RASGEF1A: variants seen among roughly 807,000 people sequenced by gnomAD.
RASGEF1A encodes the protein RasGEF domain family member 1A.
In RASGEF1A, 18 loss-of-function variants were observed where a neutral mutation model predicts 56.4. That is an observed-to-expected ratio of 0.32 (90% CI 0.22 to 0.47). RASGEF1A has a LOEUF of 0.47. RASGEF1A is among the 20% of genes least tolerant of loss of function. The pLI is 1.00. For synonymous variants in RASGEF1A, 245 were observed against 242.6 expected, an observed-to-expected ratio of 1.01 and a Z score of -0.09; for missense variants, 422 against 627.1, an observed-to-expected ratio of 0.67 and a Z score of 3.49.
At chr10:43,213,243 C>T (rs1353306085) in intron 1 of RASGEF1A, among the ~76,000 whole-genome samples, 1 of 151,622 alleles carries the variant, frequency 6.6e-6, no homozygotes, top group Admixed American at 6.6e-5. Flanking sequence ...GTTTCCGACA[C>T]ATAGAAATTA....
At chr10:43,226,498 T>TCCTCCGAGATCCACGCCATCCA (rs1840281556) in intron 1 of RASGEF1A, among the ~76,000 whole-genome samples, 1 of 151,544 alleles carries the variant, frequency 6.6e-6, no homozygotes, top group Non-Finnish European at 1.5e-5. Context: ...GCTGCCATCC[T>TCCTCCGAGATCCACGCCATCCA]CCTCCGAGAT....
chr10:43,249,626 G>C (rs1413973490), intron 1 of RASGEF1A, among the ~76,000 whole-genome samples: 4 of 152,232 alleles, frequency 2.6e-5, no homozygotes, highest in African/African-American at 9.6e-5. Context: ...TGAAATGTCA[G>C]TGTCTGCACA....
intron 1 of RASGEF1A, among the ~76,000 whole-genome samples, chr10:43,235,314 A>G (rs1467204540): frequency 1.3e-5 from 2 of 152,184 alleles, no homozygotes; most frequent in Non-Finnish European, 2.9e-5. Flanking sequence ...GAGCCTCCAC[A>G]TCTTTGAGAA....
intron 1 of RASGEF1A, among the ~76,000 whole-genome samples, chr10:43,227,644 C>A (rs1840298237): frequency 6.6e-6 from 1 of 152,120 alleles, no homozygotes; most frequent in Non-Finnish European, 1.5e-5. Context: ...CAGCAAGGAG[C>A]CTGCAGGGTG....
intron 1 of RASGEF1A, among the ~76,000 whole-genome samples, chr10:43,214,896 G>A (rs927203946): frequency 1.3e-5 from 2 of 152,158 alleles, no homozygotes; most frequent in East Asian, 1.9e-4. Flanking sequence ...GGAGAGGCCC[G>A]TTTCTCAGAT....
rs1840366996 is a variant in RASGEF1A, at chr10:43,231,518, C to T, written c.-6-25396G>A. Among the ~76,000 whole-genome samples, 3 of 152,246 alleles carry T rather than the reference C, an allele frequency of 2.0e-5. No individual in the cohort carries two copies. In the South Asian group the frequency reaches 6.2e-4, roughly 32 times the overall value. Reference sequence around the variant, plus strand: ...CTAGAGGAGGTGGTGGATGGGTGGGCAGCCCCACAAGCCTTCTTATGCAGT... The same window carrying T: ...CTAGAGGAGGTGGTGGATGGGTGGGTAGCCCCACAAGCCTTCTTATGCAGT... On this transcript the variant is annotated intron_variant, in intron 1 of 12. Coordinates refer to ENST00000395810, the MANE Select transcript of RASGEF1A (RefSeq NM_145313.4).
rs1839779171 is a variant in RASGEF1A at position 43,195,221 on chromosome 10, G to T, written c.*1023C>A. The T allele has an allele frequency of 6.6e-6, 1 of 152,336 alleles. No individual in the cohort carries two copies. The highest frequency in any genetic ancestry group is 2.4e-5 in the African/African-American group (1 of 41,470). The allele number at this position is 152,336 out of a possible 1,614,324, so 9.4% of individuals were successfully genotyped here. ...ACGAAGTCAGACATGGGAAAATGGAGTGTGCTCCTCTAGCTGGGTGTAGAA... is the reference window on the plus strand; with the variant it reads ...ACGAAGTCAGACATGGGAAAATGGATTGTGCTCCTCTAGCTGGGTGTAGAA... On this transcript the variant is annotated 3_prime_UTR_variant, in exon 13 of 13. Coordinates refer to ENST00000395810, the MANE Select transcript of RASGEF1A (RefSeq NM_145313.4). The surrounding 1 kb of genome is among the most constrained non-coding windows in gnomAD (Gnocchi z 4.2).
At chr10:43,207,298 T>C (rs1187733482) in intron 1 of RASGEF1A, 6 of 985,318 alleles carry the variant, frequency 6.1e-6, no homozygotes, top group Non-Finnish European at 7.2e-6. Context: ...ATTGTTGCCA[T>C]GATTACTTCA....
At chr10:43,239,822 C>T (rs142045239) in intron 1 of RASGEF1A, among the ~76,000 whole-genome samples, 248 of 152,328 alleles carry the variant, frequency 1.6e-3, no homozygotes, top group Non-Finnish European at 3.0e-3. Flanking sequence ...AAATCATATT[C>T]CCCAAGGTTC....
At chr10:43,249,658 C>T (rs1056685002) in intron 1 of RASGEF1A, among the ~76,000 whole-genome samples, 2 of 152,226 alleles carry the variant, frequency 1.3e-5, no homozygotes, top group Non-Finnish European at 2.9e-5. Flanking sequence ...AGCAAGGCAT[C>T]CTGGACCCTG....
intron 1 of RASGEF1A, among the ~76,000 whole-genome samples, chr10:43,228,768 T>G (rs1169175265): frequency 1.3e-5 from 2 of 152,268 alleles, no homozygotes; most frequent in African/African-American, 4.8e-5. Flanking sequence ...CTTGTTCCTC[T>G]GCTGTGTGGG....
intron 3 of RASGEF1A, 140 bp from the exon 4 acceptor site, chr10:43,202,085 G>A (rs746070984): frequency 6.9e-6 from 6 of 870,580 alleles, no homozygotes; most frequent in South Asian, 3.0e-5. Flanking sequence ...TGCCACCTGC[G>A]GTTTGGCCAA....
rs1053229539 is a variant in RASGEF1A, at chr10:43,196,076, T to C, written c.*168A>G. 1.7e-6 allele frequency: 1 copy of C among 604,914 alleles called. No homozygotes were observed. The highest frequency in any genetic ancestry group is 2.9e-5 in the South Asian group (1 of 34,914). The allele number at this position is 604,914 out of a possible 1,614,324, so 37.5% of individuals were successfully genotyped here. On this transcript the variant is annotated 3_prime_UTR_variant, in exon 13 of 13. Coordinates refer to ENST00000395810, the MANE Select transcript of RASGEF1A (RefSeq NM_145313.4). The surrounding 1 kb of genome is among the most constrained non-coding windows in gnomAD (Gnocchi z 4.6). ...TATTTAAAATAAACAAAAAAAACTT[T>C]GTAAGTGCCAAAGGTTGATGCGTGA...
chr10:43,261,576 G>A (rs953592559), intron 1 of RASGEF1A, among the ~76,000 whole-genome samples: 2 of 152,226 alleles, frequency 1.3e-5, no homozygotes, highest in Non-Finnish European at 2.9e-5. Flanking sequence ...ATTAACTCAT[G>A]AAAGCATCAG....
At chr10:43,197,591 G>A (rs1174454376) in intron 10 of RASGEF1A, among the ~76,000 whole-genome samples, 1 of 152,152 alleles carries the variant, frequency 6.6e-6, no homozygotes, top group African/African-American at 2.4e-5. Context: ...CTCACCAGGT[G>A]CCCTCAGGCC....
At chr10:43,215,434 G>A (rs1209814906) in intron 1 of RASGEF1A, among the ~76,000 whole-genome samples, 1 of 152,240 alleles carries the variant, frequency 6.6e-6, no homozygotes, top group East Asian at 1.9e-4. Context: ...GGCTGGCAGG[G>A]AGAGCGTGCT....
chr10:43,212,290 TA>T (rs1840079470), intron 1 of RASGEF1A, among the ~76,000 whole-genome samples: 1 of 152,198 alleles, frequency 6.6e-6, no homozygotes, highest in Admixed American at 6.5e-5. Context: ...TGCTTCCCAA[TA>T]AAGCGAGCAC....
At chr10:43,200,469 TGAG>T (rs2133180962) in intron 5 of RASGEF1A, among the ~76,000 whole-genome samples, 195 bp downstream of exon 5, 1 of 152,266 alleles carries the variant, frequency 6.6e-6, no homozygotes, top group South Asian at 2.1e-4. Flanking sequence ...GCTGTGTTCC[TGAG>T]GACGTGAGTG....
chr10:43,253,880 A>G (rs1490978396), intron 1 of RASGEF1A, among the ~76,000 whole-genome samples: 1 of 152,240 alleles, frequency 6.6e-6, no homozygotes, highest in Non-Finnish European at 1.5e-5. Context: ...TGCAGCAGCA[A>G]TAAGAGGCAG....
Sources: gnomAD v4.1 joint callset for allele counts (sites outside exome capture counted in the v4.1 genomes callset) on GRCh38, gnomAD v4.1.1 for gene constraint, Gnocchi (gnomAD v3.1) non-coding constraint, MANE v1.5 for transcripts, NCBI Gene and HGNC (gene_info 2026-07-23, HGNC 2026-07-21) for gene names.